Variants in CCDC171 observed in about 807,000 individuals in gnomAD.
The protein encoded by CCDC171 is coiled-coil domain containing 171.
A neutral mutation model predicts 168.2 loss-of-function variants in CCDC171; 177 were observed. The observed-to-expected ratio is 1.05, with a 90% CI of 0.93 to 1.19. The LOEUF is 1.19. CCDC171 is among the 50% of genes most tolerant of loss of function. The pLI, the probability that CCDC171 is intolerant of heterozygous loss-of-function variation, is 0.00. For synonymous variants in CCDC171, 687 were observed against 540.8 expected (o/e 1.27, Z -3.75); for missense variants, 1,991 against 1,539.0 (o/e 1.29, Z -4.91).
chr9:15,567,713 G>C (rs1345774875), intron 2 of CCDC171, among the ~76,000 whole-genome samples: 2 of 151,614 alleles, frequency 1.3e-5, no homozygotes, highest in African/African-American at 4.9e-5. Context: ...AGAGTACAGT[G>C]GCATGATCTT....
intron 3 of CCDC171, among the ~76,000 whole-genome samples, chr9:15,999,416 CAGGG>C (rs1222003160): frequency 1.5e-5 from 2 of 134,670 alleles, no homozygotes; most frequent in Non-Finnish European, 3.2e-5. Flanking sequence ...AGAAAGCAAA[CAGGG>C]AGGGAGGGAG....
intron 1 of CCDC171, among the ~76,000 whole-genome samples, chr9:15,554,144 C>G (rs1428132803): frequency 1.3e-5 from 2 of 152,058 alleles, no homozygotes; most frequent in African/African-American, 4.8e-5. Flanking sequence ...CTCAGCCTCC[C>G]CAGCAGCCGG....
At chr9:15,632,559 G>T (rs935807521) in intron 7 of CCDC171, among the ~76,000 whole-genome samples, 6 of 152,058 alleles carry the variant, frequency 3.9e-5, no homozygotes, top group African/African-American at 1.2e-4. Context: ...ATGCTCATGG[G>T]TAGGAAGAAT....
intron 25 of CCDC171, among the ~76,000 whole-genome samples, chr9:15,954,774 G>T (rs1463846794): frequency 6.6e-6 from 1 of 150,996 alleles, no homozygotes; most frequent in Non-Finnish European, 1.5e-5. Flanking sequence ...GTTGTTGTTT[G>T]TTTCTTTCTA....
At chr9:15,772,148 T>C (rs1040231128) in intron 18 of CCDC171, among the ~76,000 whole-genome samples, 2 of 152,198 alleles carry the variant, frequency 1.3e-5, no homozygotes, top group African/African-American at 4.8e-5. Flanking sequence ...CCAGTATTTT[T>C]AAATTCTGTA....
rs1325070211 is a variant in CCDC171 at position 15,570,820 on chromosome 9, A to G, written c.42-804A>G. Among the ~76,000 whole-genome samples the G allele has an allele frequency of 5.3e-5, 8 of 152,202 alleles. No individual in the cohort carries two copies. In the South Asian group the frequency reaches 1.7e-3, roughly 31 times the overall value. On this transcript the variant is annotated intron_variant, in intron 2 of 25. Transcript: ENST00000380701. ...CTTTTAACTCAAGCTTCTTGTATATAGTATGAAAAACTTAGGTCATTTGTA... is the reference window on the plus strand; with the variant it reads ...CTTTTAACTCAAGCTTCTTGTATATGGTATGAAAAACTTAGGTCATTTGTA...
chr9:15,811,052 A>G (rs993878090), intron 21 of CCDC171, among the ~76,000 whole-genome samples: 3 of 152,244 alleles, frequency 2.0e-5, no homozygotes, highest in Non-Finnish European at 4.4e-5. Flanking sequence ...ATTACAGAAA[A>G]TTCTGTTGTA....
rs975759713 is a variant in CCDC171, at chr9:15,642,363, A to G, written c.823-14764A>G. Among the ~76,000 whole-genome samples, 317 of 47,724 alleles carry G rather than the reference A, an allele frequency of 6.6e-3. 9 individuals are homozygous for G. The highest frequency in any genetic ancestry group is 0.013 in the African/African-American group (280 of 22,350). The allele number at this position is 47,724 out of a possible 152,430, so 31.3% of individuals were successfully genotyped here. On this transcript the variant is annotated intron_variant, in intron 7 of 25. Transcript: ENST00000380701. Reference sequence around the variant, plus strand: ...TGTGTGTATATATATATATATATATATATATATATATATATATATATGCAT... The same window carrying G: ...TGTGTGTATATATATATATATATATGTATATATATATATATATATATGCAT...
At chr9:16,072,706 C>G in the CCDC171 span, among the ~76,000 whole-genome samples, 1 of 152,114 alleles carries the variant, frequency 6.6e-6, no homozygotes, top group African/African-American at 2.4e-5. Flanking sequence ...AAGCACAGTG[C>G]TCACTCTCAC....
At chr9:15,763,886 G>A (rs1265431929) in intron 18 of CCDC171, among the ~76,000 whole-genome samples, 2 of 152,016 alleles carry the variant, frequency 1.3e-5, no homozygotes, top group South Asian at 2.1e-4. Context: ...TCATATACAT[G>A]TCTTTTGTTG....
rs142372480 is a variant in CCDC171, at chr9:15,718,161, T to C, written c.1319-3608T>C. On this transcript the variant is annotated intron_variant, in intron 11 of 25. Coordinates refer to ENST00000380701, the MANE Select transcript of CCDC171 (RefSeq NM_173550.4). ...ATTCACCACAAGCTGACTGAAGAGCTCTTGGACCTTGAGTGAGCCTTGGCA... is the reference window on the plus strand; with the variant it reads ...ATTCACCACAAGCTGACTGAAGAGCCCTTGGACCTTGAGTGAGCCTTGGCA... Among the ~76,000 whole-genome samples the C allele has an allele frequency of 7.8e-4, 119 of 152,258 alleles. 3 individuals are homozygous for C. Among genetic ancestry groups the C allele is most frequent in the African/African-American group, 2.7e-3 (114 of 41,554 alleles).
chr9:15,734,393 C>A (rs2054348101), intron 16 of CCDC171, among the ~76,000 whole-genome samples: 1 of 152,028 alleles, frequency 6.6e-6, no homozygotes, highest in African/African-American at 2.4e-5. Flanking sequence ...AAAAAATTAG[C>A]CAGGCGTGGT....
intron 20 of CCDC171, among the ~76,000 whole-genome samples, chr9:15,783,742 A>G (rs933161675): frequency 6.6e-6 from 1 of 152,156 alleles, no homozygotes; most frequent in Non-Finnish European, 1.5e-5. Context: ...GTTATTCCAG[A>G]GCAGAGTACT....
chr9:16,052,836 G>A, intron 1 of CCDC171, among the ~76,000 whole-genome samples: 1 of 148,858 alleles, frequency 6.7e-6, no homozygotes, highest in East Asian at 2.0e-4. Context: ...AAAATCCAGA[G>A]TGAGTGAGCG....
At position 15,675,475 on chromosome 9, in the gene CCDC171, C is replaced by T. The variant is rs566547025; in HGVS notation, c.1077-3283C>T. ...GCAGTTTCTTCCTAGCCTTGATAGT[C>T]TTTACAATTTGGTATGTTTTTGCAG... On this transcript the variant is annotated intron_variant, in intron 9 of 25. Transcript: ENST00000380701. Among the ~76,000 whole-genome samples the T allele has an allele frequency of 3.3e-5, 5 of 152,226 alleles. No individual in the cohort carries two copies. The South Asian group carries it at 1.0e-3, about 32-fold the overall frequency.
At chr9:15,557,753 G>T (rs1474730822) in intron 1 of CCDC171, among the ~76,000 whole-genome samples, 6 of 152,022 alleles carry the variant, frequency 3.9e-5, no homozygotes, top group Non-Finnish European at 7.4e-5. Context: ...TGATTGCCCT[G>T]GCCAGAAGTT....
intron 24 of CCDC171, among the ~76,000 whole-genome samples, chr9:15,896,517 T>G (rs561679998): frequency 7.2e-5 from 11 of 152,218 alleles, no homozygotes; most frequent in African/African-American, 2.6e-4. Flanking sequence ...CTCTTTTTCT[T>G]GTATAAAATA....
intron 6 of CCDC171, among the ~76,000 whole-genome samples, chr9:15,621,325 C>G (rs2044486805): frequency 1.3e-5 from 2 of 152,130 alleles, no homozygotes; most frequent in South Asian, 2.1e-4. Context: ...CTATTGCACA[C>G]TTAATAGATT....
At chr9:15,949,977 C>T (rs1828920872) in intron 25 of CCDC171, among the ~76,000 whole-genome samples, 1 of 151,950 alleles carries the variant, frequency 6.6e-6, no homozygotes. Flanking sequence ...TGAGATACGT[C>T]CCATCAATAG....
Sources: gnomAD v4.1 joint callset for allele counts (sites outside exome capture counted in the v4.1 genomes callset) on GRCh38, gnomAD v4.1.1 for gene constraint, MANE v1.5 for transcripts, NCBI Gene and HGNC (gene_info 2026-07-23, HGNC 2026-07-21) for gene names.